Variants in PARG observed in about 807,000 individuals in gnomAD.
The protein encoded by PARG is poly(ADP-ribose) glycohydrolase.
PARG carries 35 observed loss-of-function variants against 113.0 expected under a neutral mutation model. The observed-to-expected ratio is 0.31, with a 90% CI of 0.24 to 0.41. The LOEUF (loss-of-function observed/expected upper bound fraction) is 0.41, where lower values mean the gene tolerates loss of function less well. Among genes scored for constraint, PARG ranks in the 10% least tolerant of loss-of-function variants. The pLI, the probability that PARG is intolerant of heterozygous loss-of-function variation, is 1.00. For synonymous variants in PARG, 330 were observed against 409.9 expected (o/e 0.81, Z 2.36); for missense variants, 797 against 1,169.4 (o/e 0.68, Z 4.64).
At position 49,911,125 on chromosome 10, in the gene PARG, A is replaced by G. The variant is rs1381273021; in HGVS notation, c.1737+4792T>C. ...TGGTGAAACCCTGTCTCTACTAAAA[A>G]TACAAAAATTAGCCTGGCGTGGTGG... On this transcript the variant is annotated intron_variant, in intron 7 of 17. Transcript: ENST00000616448. Among the ~76,000 whole-genome samples the G allele has an allele frequency of 2.6e-5, 4 of 152,138 alleles. No individual in the cohort carries two copies. The East Asian group carries it at 7.7e-4, about 29-fold the overall frequency.
At chr10:49,890,198 C>T (rs1554841209) in intron 7 of PARG, among the ~76,000 whole-genome samples, 1 of 152,112 alleles carries the variant, frequency 6.6e-6, no homozygotes, top group East Asian at 1.9e-4. Flanking sequence ...ACAAGTAAAA[C>T]CCTGCCCTCT....
At chr10:49,929,062 G>T (rs1361644646) in intron 4 of PARG, among the ~76,000 whole-genome samples, 7 of 152,236 alleles carry the variant, frequency 4.6e-5, no homozygotes, top group East Asian at 1.9e-4. Context: ...TAAAATAGAA[G>T]ATTTTAAAAA....
intron 7 of PARG, among the ~76,000 whole-genome samples, chr10:49,902,911 C>A (rs1399118124): frequency 1.3e-5 from 2 of 151,874 alleles, no homozygotes; most frequent in African/African-American, 2.4e-5. Flanking sequence ...CGGCTCACTG[C>A]AACCTCTGCC....
chr10:49,942,020 C>A lies in PARG; in HGVS notation c.-295G>T. The A allele has an allele frequency of 2.0e-6, 2 of 1,010,496 alleles. No homozygotes were observed. The highest frequency in any genetic ancestry group is 2.9e-6 in the Non-Finnish European group (2 of 691,090). The allele number at this position is 1,010,496 out of a possible 1,614,324, so 62.6% of individuals were successfully genotyped here. Reference sequence around the variant, plus strand: ...CGTCAGGCGCTTCCGGCTTCCGGGGCGCACACTGCCGCAAAGCGGAAGTGT... The same window carrying A: ...CGTCAGGCGCTTCCGGCTTCCGGGGAGCACACTGCCGCAAAGCGGAAGTGT... On this transcript the variant is annotated 5_prime_UTR_variant, in exon 1 of 18. Coordinates refer to ENST00000616448, the MANE Select transcript of PARG (RefSeq NM_003631.5).
intron 16 of PARG, among the ~76,000 whole-genome samples, chr10:49,823,226 G>A (rs1422940762): frequency 6.6e-6 from 1 of 152,018 alleles, no homozygotes; most frequent in Non-Finnish European, 1.5e-5. Context: ...TTATGTGCAT[G>A]TGTATACATA....
chr10:49,922,494 G>A (rs1216800301), intron 5 of PARG, 53 bp downstream of exon 5: 29 of 1,609,852 alleles, frequency 1.8e-5, no homozygotes, highest in South Asian at 6.6e-5. Context: ...GGTCAAACAA[G>A]CAAGTACCAA....
At position 49,933,725 on chromosome 10, in the gene PARG, G is replaced by C; in HGVS notation, c.723C>G (p.Cys241Trp). The stretch of plus-strand genomic sequence containing the variant: ...AACTTGCACAGTCTTCCCCAGGATC[G>C]CAAGACTTGCTGCACTTCTGGTGGC... ...AKSHQKCSKS[C>W]DPGEDCASCQ... The change falls in exon 3 of 18, where the codon TGC becomes TGG. Residue 241 changes from cysteine to tryptophan, a missense_variant. By Grantham distance (215) the Cys-to-Trp change is radical. Transcript: ENST00000616448. 4 of 1,611,442 alleles carry C rather than the reference G, an allele frequency of 2.5e-6. No individual in the cohort carries two copies. Among genetic ancestry groups the C allele is most frequent in the East Asian group, 2.2e-5 (1 of 44,866 alleles).
chr10:49,844,184 A>T (rs1845388397), intron 13 of PARG, among the ~76,000 whole-genome samples: 1 of 152,128 alleles, frequency 6.6e-6, no homozygotes, highest in Non-Finnish European at 1.5e-5. Context: ...GGAAATTAAA[A>T]TAAAGAAAAA....
At chr10:49,841,541 GAAC>G (rs1588884965) in intron 15 of PARG, among the ~76,000 whole-genome samples, 4 of 152,210 alleles carry the variant, frequency 2.6e-5, no homozygotes, top group East Asian at 3.9e-4. Context: ...ACCTAAAATA[GAAC>G]AACATTTGAT....
intron 15 of PARG, among the ~76,000 whole-genome samples, chr10:49,834,030 G>T (rs1844796257): frequency 6.6e-6 from 1 of 152,056 alleles, no homozygotes. Flanking sequence ...TACCCTCCTA[G>T]ACTGTAAATC....
chr10:49,920,270 G>C (rs1251089975), intron 6 of PARG, among the ~76,000 whole-genome samples: 1 of 150,654 alleles, frequency 6.6e-6, no homozygotes, highest in Non-Finnish European at 1.5e-5. Flanking sequence ...GAGAAACCCC[G>C]TCTCTACAAA....
Position 49,922,433 on chromosome 10 carries a change from G to A in PARG, c.1579-14C>T, listed in dbSNP as rs782751518. The A allele has an allele frequency of 6.5e-5, 105 of 1,609,106 alleles. No individual in the cohort carries two copies. The highest frequency in any genetic ancestry group is 8.8e-5 in the Non-Finnish European group (104 of 1,178,462). ...TCGCTCACCATTCTTTTGGAAAAAA[G>A]AAAAACATATGAGGAAGCTATTCTA... On this transcript the variant is annotated splice_polypyrimidine_tract_variant and intron_variant, in intron 5 of 17. Transcript: ENST00000616448.
chr10:49,927,824 C>T (rs181019625), intron 4 of PARG, among the ~76,000 whole-genome samples: 314 of 152,172 alleles, frequency 2.1e-3, no homozygotes, highest in African/African-American at 7.2e-3. Context: ...CATGTAGTGG[C>T]ACATGCCTGT....
At chr10:49,841,006 C>T (rs1845205331) in intron 15 of PARG, among the ~76,000 whole-genome samples, 1 of 152,182 alleles carries the variant, frequency 6.6e-6, no homozygotes, top group Non-Finnish European at 1.5e-5. Flanking sequence ...AATCCCAATA[C>T]TTTGGGAGGC....
At chr10:49,887,655 G>A (rs1847562374) in intron 7 of PARG, among the ~76,000 whole-genome samples, 1 of 152,022 alleles carries the variant, frequency 6.6e-6, no homozygotes, top group Admixed American at 6.6e-5. Context: ...AGAATTCCAT[G>A]GTATGAATAT....
intron 15 of PARG, among the ~76,000 whole-genome samples, chr10:49,841,588 T>G (rs3849146): frequency 6.6e-6 from 1 of 152,198 alleles, no homozygotes; most frequent in African/African-American, 2.4e-5. Context: ...TTAACCCTGA[T>G]AGCATACTTT....
At chr10:49,841,055 C>A (rs1348920266) in intron 15 of PARG, among the ~76,000 whole-genome samples, 1 of 152,066 alleles carries the variant, frequency 6.6e-6, no homozygotes, top group Non-Finnish European at 1.5e-5. Flanking sequence ...GAGTTCGAGA[C>A]CAGCCTGGCC....
chr10:49,897,746 A>G (rs1269777695), intron 7 of PARG, among the ~76,000 whole-genome samples: 1 of 152,196 alleles, frequency 6.6e-6, no homozygotes, highest in African/African-American at 2.4e-5. Flanking sequence ...AGTGGCTCAC[A>G]CCTATAACCC....
chr10:49,932,031 A>G, intron 4 of PARG, 69 bp downstream of exon 4: 1 of 882,576 alleles, frequency 1.1e-6, no homozygotes, highest in South Asian at 1.4e-5. Flanking sequence ...TCTGTTTCTC[A>G]CTTAATAAAT....
Sources: gnomAD v4.1 joint callset for allele counts (sites outside exome capture counted in the v4.1 genomes callset) on GRCh38, gnomAD v4.1.1 for gene constraint, MANE v1.5 for transcripts, NCBI Gene and HGNC (gene_info 2026-07-23, HGNC 2026-07-21) for gene names.